Variants in PICALM observed in about 807,000 individuals in gnomAD.
PICALM encodes the protein phosphatidylinositol-binding clathrin assembly protein.
Under a neutral mutation model 80.5 loss-of-function variants are expected in PICALM, and 40 were observed. That is an observed-to-expected ratio of 0.50 (90% CI 0.39 to 0.65). The LOEUF is 0.65. PICALM is among the 30% of genes least tolerant of loss of function. PICALM has a pLI of 0.00. For missense variants in PICALM, 676 were observed against 778.9 expected (o/e 0.87, Z 1.57); for synonymous variants, 288 against 260.3 (o/e 1.11, Z -1.02).
chr11:86,001,201 C>T (rs780736059), intron 9 of PICALM, 43 bp from the exon 10 acceptor site: 2 of 1,596,734 alleles, frequency 1.3e-6, no homozygotes, highest in East Asian at 4.5e-5. Flanking sequence ...TTGCTAAACA[C>T]TTCACATTAC....
chr11:86,048,898 C>G (rs1192330435), intron 1 of PICALM, among the ~76,000 whole-genome samples: 2 of 147,186 alleles, frequency 1.4e-5, no homozygotes, highest in African/African-American at 5.0e-5. Flanking sequence ...AGTCATTAAA[C>G]AGCTGGTTTT....
Position 86,068,862 on chromosome 11 carries a change from C to T in PICALM, c.-82G>A. The T allele has an allele frequency of 6.8e-7, 1 of 1,470,600 alleles. No individual in the cohort carries two copies. Among genetic ancestry groups the T allele is most frequent in the Non-Finnish European group, 9.0e-7 (1 of 1,112,320 alleles). The allele number at this position is 1,470,600 out of a possible 1,614,324, so 91.1% of individuals were successfully genotyped here. A position where few individuals can be genotyped will look rare whatever the true frequency, so the allele number is the denominator to read the frequency against. On this transcript the variant is annotated 5_prime_UTR_variant, in exon 1 of 20. Transcript: ENST00000393346. The stretch of plus-strand genomic sequence containing the variant: ...CAAGAGCCGGAGGGTCCCCACCCCC[C>T]ACCGCACCCCCTACCCCCACCGGCT...
intron 1 of PICALM, among the ~76,000 whole-genome samples, chr11:86,062,495 G>A (rs1342995616): frequency 1.3e-5 from 2 of 151,088 alleles, no homozygotes; most frequent in South Asian, 2.1e-4. Flanking sequence ...TCCAGCCTGG[G>A]CAACAAGAGC....
chr11:86,014,914 C>G lies in PICALM; in HGVS notation c.502G>C (p.Val168Leu), dbSNP rs757198200. 7 of 1,593,166 alleles carry G rather than the reference C, an allele frequency of 4.4e-6. No homozygotes were observed. Among genetic ancestry groups the G allele is most frequent in the Non-Finnish European group, 6.0e-6 (7 of 1,166,408 alleles). ...TCCATCTGATTCTGAATAATTGGTACAGTTTTTAGGAGTTTTTCTGTGTTC... is the reference window on the plus strand; with the variant it reads ...TCCATCTGATTCTGAATAATTGGTAGAGTTTTTAGGAGTTTTTCTGTGTTC... ...TMNTEKLLKT[V>L]PIIQNQMDAL... Residue 168 changes from valine to leucine, a missense_variant, in exon 5 of 20, where the codon GTA (valine) becomes CTA (leucine). Physicochemically the swap from Val to Leu is conservative, Grantham distance 32. Around this residue, in one of 2 missense-constraint regions of PICALM, gnomAD observed 285 missense variants for 395.4 expected, o/e 0.72. Coordinates refer to ENST00000393346, the MANE Select transcript of PICALM (RefSeq NM_007166.4).
chr11:86,031,691 G>T, intron 1 of PICALM, 80 bp from the exon 2 acceptor site: 1 of 1,007,860 alleles, frequency 9.9e-7, no homozygotes, highest in Non-Finnish European at 1.4e-6. Context: ...ATACAAACAG[G>T]CAAAAGATTT....
chr11:86,061,919 C>T (rs1367924929), intron 1 of PICALM, among the ~76,000 whole-genome samples: 1 of 150,468 alleles, frequency 6.6e-6, no homozygotes, highest in East Asian at 1.9e-4. Context: ...ATAGAATAGT[C>T]AAGTGCAAAA....
In PICALM at chr11:86,028,631, C is replaced by T. The variant is rs75943294; in HGVS notation, c.274-2264G>A. On this transcript the variant is annotated intron_variant, in intron 2 of 19. Transcript: ENST00000393346. ...ATTATTGAGGAAGCTCCAGAAGTGACTTACCCAAGTCACCCAGTTGGTAAG... is the reference window on the plus strand; with the variant it reads ...ATTATTGAGGAAGCTCCAGAAGTGATTTACCCAAGTCACCCAGTTGGTAAG... Among the ~76,000 whole-genome samples, 522 of 152,254 alleles carry T rather than the reference C, an allele frequency of 3.4e-3. 3 individuals are homozygous for T. The highest frequency in any genetic ancestry group is 0.012 in the African/African-American group (491 of 41,544).
At position 86,003,361 on chromosome 11, in the gene PICALM, T is replaced by C; in HGVS notation, c.893+5A>G. 2 of 1,567,056 alleles carry C rather than the reference T, an allele frequency of 1.3e-6. No individual in the cohort carries two copies. Among genetic ancestry groups the C allele is most frequent in the Non-Finnish European group, 8.7e-7 (1 of 1,142,938 alleles). On this transcript the variant is annotated splice_donor_5th_base_variant and intron_variant, in intron 9 of 19. Transcript: ENST00000393346. Reference sequence around the variant, plus strand: ...TGGCTTTTTGGCCTACAAAGAATGATATACCTGCTTGCAGCTGTAGAATCT... The same window carrying C: ...TGGCTTTTTGGCCTACAAAGAATGACATACCTGCTTGCAGCTGTAGAATCT...
chr11:86,045,390 C>A (rs2096054539), intron 1 of PICALM, among the ~76,000 whole-genome samples: 1 of 151,714 alleles, frequency 6.6e-6, no homozygotes, highest in African/African-American at 2.4e-5. Flanking sequence ...TAGTCCCAGC[C>A]ACTCAGGAGG....
At chr11:86,000,862 T>A in intron 10 of PICALM, 83 bp from the exon 11 acceptor site, 1 of 1,526,570 alleles carries the variant, frequency 6.6e-7, no homozygotes, top group East Asian at 2.3e-5. Flanking sequence ...TTCTAATTTG[T>A]TCTGATAGCA....
intron 19 of PICALM, among the ~76,000 whole-genome samples, chr11:85,966,221 C>CG (rs987584196): frequency 6.6e-6 from 1 of 150,400 alleles, no homozygotes; most frequent in African/African-American, 2.5e-5. Context: ...TTTTTCCCCC[C>CG]CCAAAGACAG....
intron 3 of PICALM, among the ~76,000 whole-genome samples, chr11:86,023,131 C>CT (rs2095594896): frequency 6.6e-6 from 1 of 152,068 alleles, no homozygotes; most frequent in Non-Finnish European, 1.5e-5. Flanking sequence ...ACACCAAAAA[C>CT]TTTGTGTTTT....
At chr11:86,022,500 A>C (rs1483237873) in intron 3 of PICALM, 31 bp from the exon 4 acceptor site, 5 of 1,166,400 alleles carry the variant, frequency 4.3e-6, no homozygotes, top group Non-Finnish European at 5.9e-6. Flanking sequence ...AAACAAAACA[A>C]AGAGAGAGAC....
chr11:86,040,493 C>T (rs567860909), intron 1 of PICALM, among the ~76,000 whole-genome samples: 3 of 152,182 alleles, frequency 2.0e-5, no homozygotes, highest in East Asian at 3.9e-4. Context: ...TGTGAGCCAC[C>T]GCACTCAGCC....
intron 11 of PICALM, among the ~76,000 whole-genome samples, chr11:86,000,127 T>C (rs928030614): frequency 1.3e-5 from 2 of 152,236 alleles, no homozygotes; most frequent in Non-Finnish European, 2.9e-5. Context: ...ATTTCCATGT[T>C]AAGTAGCTTA....
chr11:85,996,797 C>T (rs2094978427), intron 12 of PICALM, 29 bp downstream of exon 12: 1 of 1,243,762 alleles, frequency 8.0e-7, no homozygotes, highest in Non-Finnish European at 1.2e-6. Context: ...ATGCATGTAA[C>T]ATCTAAAATA....
At chr11:86,008,607 G>A (rs2136226952) in intron 7 of PICALM, among the ~76,000 whole-genome samples, 1 of 151,424 alleles carries the variant, frequency 6.6e-6, no homozygotes, top group East Asian at 1.9e-4. Context: ...GAAACAGAGT[G>A]AGACTCCATC....
At chr11:85,986,011 A>C (rs957412155) in intron 13 of PICALM, among the ~76,000 whole-genome samples, 1 of 152,200 alleles carries the variant, frequency 6.6e-6, no homozygotes, top group Admixed American at 6.5e-5. Flanking sequence ...TAGAGGTACC[A>C]ATCTGTGAAA....
intron 1 of PICALM, among the ~76,000 whole-genome samples, chr11:86,054,537 GCTT>G (rs2096241484): frequency 6.6e-6 from 1 of 152,080 alleles, no homozygotes; most frequent in South Asian, 2.1e-4. Flanking sequence ...ACCATAAAGC[GCTT>G]TTTTGCCCCA....
Sources: gnomAD v4.1 joint callset for allele counts (sites outside exome capture counted in the v4.1 genomes callset) on GRCh38, gnomAD v4.1.1 for gene constraint, gnomAD v4.1.1 regional missense constraint, MANE v1.5 for transcripts, NCBI Gene and HGNC (gene_info 2026-07-23, HGNC 2026-07-21) for gene names.